The following XRCC4 variants were observed in gnomAD, a reference collection of about 807,000 sequenced individuals.
XRCC4 encodes the protein DNA repair protein XRCC4.
XRCC4 carries 28 observed loss-of-function variants against 39.1 expected under a neutral mutation model. The observed-to-expected ratio is 0.72, with a 90% CI of 0.53 to 0.98. XRCC4 has a LOEUF of 0.98. XRCC4 is among the 50% of genes least tolerant of loss of function. The pLI is 0.00. For synonymous variants in XRCC4, 123 were observed against 126.4 expected (o/e 0.97, Z 0.18); for missense variants, 350 against 376.4 (o/e 0.93, Z 0.58).
chr5:83,177,867 A>G (rs1750030005), intron 3 of XRCC4, among the ~76,000 whole-genome samples: 1 of 152,184 alleles, frequency 6.6e-6, no homozygotes, highest in Admixed American at 6.5e-5. Context: ...ACATAATCAG[A>G]TTTACATCTT....
intron 3 of XRCC4, among the ~76,000 whole-genome samples, chr5:83,129,523 C>G (rs6895568): frequency 0.49 from 74,341 of 151,556 alleles, 19,183 homozygotes; most frequent in African/African-American, 0.63. Context: ...AAAGTCATTG[C>G]TAGCTTGGTG....
chr5:83,178,740 A>G (rs538992083), intron 3 of XRCC4, among the ~76,000 whole-genome samples: 1 of 152,270 alleles, frequency 6.6e-6, no homozygotes, highest in South Asian at 2.1e-4. Context: ...AAAGTATTAG[A>G]GTTTGCAAAT....
intron 7 of XRCC4, among the ~76,000 whole-genome samples, chr5:83,334,355 G>A (rs1756527767): frequency 6.6e-6 from 1 of 152,064 alleles, no homozygotes; most frequent in Admixed American, 6.6e-5. Context: ...GAATTCAACA[G>A]ACCAGTTACC....
chr5:83,210,063 A>G (rs929981220), intron 6 of XRCC4, among the ~76,000 whole-genome samples: 4 of 152,166 alleles, frequency 2.6e-5, no homozygotes, highest in Non-Finnish European at 4.4e-5. Flanking sequence ...ATGAATGGCT[A>G]TGTCCAACAG....
intron 7 of XRCC4, among the ~76,000 whole-genome samples, chr5:83,339,678 A>G (rs901793046): frequency 1.7e-4 from 26 of 152,302 alleles, no homozygotes; most frequent in Admixed American, 1.5e-3. Context: ...CATTTCATGT[A>G]AAGCCTAGAG....
intron 6 of XRCC4, among the ~76,000 whole-genome samples, chr5:83,216,564 A>G (rs1751867215): frequency 6.6e-6 from 1 of 152,172 alleles, no homozygotes; most frequent in Admixed American, 6.5e-5. Flanking sequence ...AAAATTCTGA[A>G]TGTTCATCTT....
intron 6 of XRCC4, among the ~76,000 whole-genome samples, chr5:83,213,473 T>C (rs1237853069): frequency 6.6e-6 from 1 of 152,124 alleles, no homozygotes; most frequent in Non-Finnish European, 1.5e-5. Context: ...ACAAATTGGA[T>C]AATATAGCTA....
At chr5:83,217,358 C>CAAAAAAAAAAAAAAA (rs59416363) in intron 6 of XRCC4, among the ~76,000 whole-genome samples, 4 of 96,172 alleles carry the variant, frequency 4.2e-5, no homozygotes, top group African/African-American at 1.9e-4. Context: ...GACTCCGTCT[C>CAAAAAAAAAAAAAAA]AAAAAAAAAA....
intron 7 of XRCC4, among the ~76,000 whole-genome samples, chr5:83,322,136 T>C (rs1208340522): frequency 6.6e-6 from 1 of 151,966 alleles, no homozygotes. Context: ...GTAAATTGTG[T>C]TATCTGAAGA....
chr5:83,349,320 CATATCAACATTTTTGTGTTCTTTTTT>C (rs1191127717), intron 7 of XRCC4, among the ~76,000 whole-genome samples: 100 of 152,292 alleles, frequency 6.6e-4, no homozygotes, highest in African/African-American at 2.1e-3. Context: ...AAAGCCAAAC[CATATCAACATTTTTGTGTTCTTTTTT>C]ATGCTTTTCA....
At chr5:83,286,179 A>G (rs1441555496) in intron 7 of XRCC4, among the ~76,000 whole-genome samples, 1 of 152,046 alleles carries the variant, frequency 6.6e-6, no homozygotes, top group East Asian at 1.9e-4. Context: ...CGTGAATTTC[A>G]CTTTCCTTTC....
chr5:83,359,583 C>A, the XRCC4 span, among the ~76,000 whole-genome samples: 1 of 152,112 alleles, frequency 6.6e-6, no homozygotes, highest in African/African-American at 2.4e-5. Flanking sequence ...TGGACCAATT[C>A]TGATATACAC....
intron 3 of XRCC4, among the ~76,000 whole-genome samples, chr5:83,136,275 G>C (rs1448811852): frequency 6.6e-6 from 1 of 152,096 alleles, no homozygotes; most frequent in Admixed American, 6.6e-5. Context: ...CAATTCTGAC[G>C]ACCCACCTAT....
At chr5:83,165,756 A>T (rs1350236258) in intron 3 of XRCC4, among the ~76,000 whole-genome samples, 1 of 152,036 alleles carries the variant, frequency 6.6e-6, no homozygotes, top group African/African-American at 2.4e-5. Context: ...CTGTTTCTGT[A>T]TTAGTTTGCC....
At chr5:83,132,641 TC>T (rs1747658386) in intron 3 of XRCC4, among the ~76,000 whole-genome samples, 1 of 152,146 alleles carries the variant, frequency 6.6e-6, no homozygotes, top group South Asian at 2.1e-4. Context: ...TGATCTTCAA[TC>T]ACTGATACCC....
rs376029217 is a variant in XRCC4, at chr5:83,206,899, A to G, written c.745+1978A>G. ...TAGAATAAACAGATGAAGGCACAGG[A>G]AAGTATCTAACTGCAGTCACAGAAA... On this transcript the variant is annotated intron_variant, in intron 6 of 7. Coordinates refer to ENST00000396027, the MANE Select transcript of XRCC4 (RefSeq NM_003401.5). Among the ~76,000 whole-genome samples the G allele has an allele frequency of 1.3e-4, 20 of 152,268 alleles. No homozygotes were observed. In the East Asian group the frequency reaches 2.7e-3, roughly 21 times the overall value.
chr5:83,321,039 G>A (rs889672828), intron 7 of XRCC4, among the ~76,000 whole-genome samples: 1 of 152,020 alleles, frequency 6.6e-6, no homozygotes, highest in Admixed American at 6.6e-5. Flanking sequence ...TGGAACTCCT[G>A]ACCCTGTGAT....
At chr5:83,232,895 A>G (rs577553934) in intron 6 of XRCC4, among the ~76,000 whole-genome samples, 1 of 152,256 alleles carries the variant, frequency 6.6e-6, no homozygotes, top group African/African-American at 2.4e-5. Context: ...ATTTCAAGAA[A>G]GGTTAAGTAA....
At chr5:83,365,731 G>C in the XRCC4 span, among the ~76,000 whole-genome samples, 14 of 152,174 alleles carry the variant, frequency 9.2e-5, no homozygotes, top group Admixed American at 2.6e-4. Context: ...GTCTCTAAAA[G>C]TGCCAAGGCA....
Sources: gnomAD v4.1 joint callset for allele counts (sites outside exome capture counted in the v4.1 genomes callset) on GRCh38, gnomAD v4.1.1 for gene constraint, MANE v1.5 for transcripts, NCBI Gene and HGNC (gene_info 2026-07-23, HGNC 2026-07-21) for gene names.